The following PCDH15 variants were observed in gnomAD, a reference collection of about 807,000 sequenced individuals.
PCDH15 encodes the protein protocadherin-15.
In PCDH15, 129 loss-of-function variants were observed where a neutral mutation model predicts 178.5. That is an observed-to-expected ratio of 0.72 (90% CI 0.63 to 0.84). The LOEUF is 0.84. Among genes scored for constraint, PCDH15 ranks in the 40% least tolerant of loss-of-function variants. The pLI, the probability that PCDH15 is intolerant of heterozygous loss-of-function variation, is 0.00. For missense variants in PCDH15, 2,230 were observed against 2,099.9 expected (o/e 1.06, Z -1.21); for synonymous variants, 800 against 732.0 (o/e 1.09, Z -1.50).
intron 3 of PCDH15, among the ~76,000 whole-genome samples, chr10:54,492,569 A>G (rs2079700432): frequency 6.6e-6 from 1 of 152,106 alleles, no homozygotes; most frequent in Non-Finnish European, 1.5e-5. Context: ...TATTAAATGG[A>G]TAATTCTAGA....
intron 2 of PCDH15, among the ~76,000 whole-genome samples, chr10:55,153,785 CTAGGTTTGAGCTCTGACCTTGCCACT>C (rs1421975108): frequency 6.6e-6 from 1 of 152,150 alleles, no homozygotes; most frequent in Non-Finnish European, 1.5e-5. Flanking sequence ...ACATGAATGT[CTAGGTTTGAGCTCTGACCTTGCCACT>C]TTAGAGCCTA....
At chr10:55,608,851 TG>T (rs1361070171) in intron 2 of PCDH15, among the ~76,000 whole-genome samples, 1 of 152,076 alleles carries the variant, frequency 6.6e-6, no homozygotes, top group Non-Finnish European at 1.5e-5. Flanking sequence ...TGTGATGATC[TG>T]GTTTCAGTTC....
intron 6 of PCDH15, among the ~76,000 whole-genome samples, chr10:54,335,061 T>C (rs1285591059): frequency 6.6e-6 from 1 of 152,210 alleles, no homozygotes; most frequent in Non-Finnish European, 1.5e-5. Flanking sequence ...CATCAGCTGC[T>C]GAAAATTCTA....
chr10:54,174,135 A>G (rs1341384284), intron 13 of PCDH15, among the ~76,000 whole-genome samples: 1 of 152,216 alleles, frequency 6.6e-6, no homozygotes, highest in Non-Finnish European at 1.5e-5. Context: ...CAAATGTAAT[A>G]TAGCCCACTG....
At chr10:55,366,569 G>T (rs559095641) in intron 2 of PCDH15, among the ~76,000 whole-genome samples, 18 of 152,146 alleles carry the variant, frequency 1.2e-4, no homozygotes, top group Admixed American at 3.9e-4. Flanking sequence ...TCAATAAATT[G>T]TAACACTCTT....
chr10:54,508,302 C>G (rs1229532552), intron 3 of PCDH15, among the ~76,000 whole-genome samples: 1 of 151,888 alleles, frequency 6.6e-6, no homozygotes, highest in Non-Finnish European at 1.5e-5. Context: ...GGCATTGCAG[C>G]ATGGTTAAGG....
chr10:54,175,768 C>T (rs2047371118), intron 13 of PCDH15, among the ~76,000 whole-genome samples: 1 of 152,090 alleles, frequency 6.6e-6, no homozygotes, highest in South Asian at 2.1e-4. Context: ...TTGGAACAAT[C>T]ATCTGTCATT....
chr10:54,171,939 A>T (rs997862651), intron 13 of PCDH15, among the ~76,000 whole-genome samples: 1 of 150,716 alleles, frequency 6.6e-6, no homozygotes, highest in Non-Finnish European at 1.5e-5. Flanking sequence ...TCCTGCTTGA[A>T]GCAGCCCTGA....
chr10:53,869,543 C>T (rs895571260), intron 26 of PCDH15, among the ~76,000 whole-genome samples: 3 of 152,028 alleles, frequency 2.0e-5, no homozygotes, highest in African/African-American at 7.2e-5. Flanking sequence ...TTAATGTAAA[C>T]TTTATAAAGG....
chr10:55,230,805 C>T (rs1462088126), intron 1 of PCDH15, among the ~76,000 whole-genome samples: 10 of 151,826 alleles, frequency 6.6e-5, no homozygotes, highest in Admixed American at 6.6e-4. Context: ...TTATGGAAAC[C>T]AGAAAAAGTG....
At chr10:54,136,995 G>T (rs1313005338) in intron 14 of PCDH15, among the ~76,000 whole-genome samples, 1 of 152,080 alleles carries the variant, frequency 6.6e-6, no homozygotes, top group Non-Finnish European at 1.5e-5. Flanking sequence ...GCTTCTTGAG[G>T]GTTACTGCCT....
intron 2 of PCDH15, among the ~76,000 whole-genome samples, chr10:55,143,814 C>T (rs917931036): frequency 9.3e-6 from 1 of 107,752 alleles, no homozygotes; most frequent in African/African-American, 3.0e-5. Flanking sequence ...AGAAGTTCTA[C>T]CTAGTGGGTA....
intron 1 of PCDH15, among the ~76,000 whole-genome samples, chr10:54,771,842 C>A (rs933599985): frequency 1.3e-5 from 2 of 152,044 alleles, no homozygotes; most frequent in African/African-American, 4.8e-5. Flanking sequence ...GAAGAATGAT[C>A]AGTATCACTA....
chr10:54,039,288 G>A lies in PCDH15; in HGVS notation c.2221-16091C>T, dbSNP rs575347177. On this transcript the variant is annotated intron_variant, in intron 18 of 37. Transcript: ENST00000644397. ...TGTAGCATTATTAATTATTCTAGCT[G>A]CATGATAGATTGGAGTCCAGAGATA... 9.2e-5 allele frequency among the ~76,000 whole-genome samples: 14 copies of A among 152,064 alleles called. No homozygotes were observed. The South Asian group carries it at 2.7e-3, about 29-fold the overall frequency.
Position 55,582,630 on chromosome 10 carries a change from T to TATATA in PCDH15, c.-156+44994_-156+44995insTATAT, listed in dbSNP as rs1564465801. Among the ~76,000 whole-genome samples the TATATA allele has an allele frequency of 1.1e-3, 108 of 100,140 alleles. 1 individual carries two copies. The highest frequency in any genetic ancestry group is 2.9e-3 in the African/African-American group (73 of 25,430). The allele number at this position is 100,140 out of a possible 152,430, so 65.7% of individuals were successfully genotyped here. A position where few individuals can be genotyped will look rare whatever the true frequency, so the allele number is the denominator to read the frequency against. On this transcript the variant is annotated intron_variant, in intron 2 of 5. Transcript: ENST00000613346. ...TATATATATATATATATATATATAT[T>TATATA]TTTTTTTTTTTGCTATATTTGATGA...
chr10:55,512,529 A>C (rs1222405792), intron 2 of PCDH15, among the ~76,000 whole-genome samples: 3 of 152,012 alleles, frequency 2.0e-5, no homozygotes, highest in Non-Finnish European at 4.4e-5. Context: ...GTCAATGACT[A>C]ACAGGTATTT....
intron 21 of PCDH15, among the ~76,000 whole-genome samples, chr10:53,962,726 C>T (rs1300290889): frequency 6.6e-6 from 1 of 152,110 alleles, no homozygotes; most frequent in Non-Finnish European, 1.5e-5. Flanking sequence ...CAAACAAAGT[C>T]ACTTTTAAAG....
chr10:54,100,070 G>T (rs1335231775), intron 15 of PCDH15, among the ~76,000 whole-genome samples: 3 of 152,072 alleles, frequency 2.0e-5, no homozygotes, highest in Non-Finnish European at 4.4e-5. Context: ...CATTCAAATA[G>T]AAGGTATTGC....
rs535634422 is a variant in PCDH15, at chr10:54,477,838, C to T, written c.157+49974G>A. Among the ~76,000 whole-genome samples, 8 of 152,260 alleles carry T rather than the reference C, an allele frequency of 5.3e-5. No homozygotes were observed. In the East Asian group the frequency reaches 1.6e-3, roughly 30 times the overall value. The stretch of plus-strand genomic sequence containing the variant: ...GCTCAAGAGATCTGCCCACCTTGTC[C>T]TCCCAAAGTGCTGGGATTACAGGCA... On this transcript the variant is annotated intron_variant, in intron 3 of 37. Coordinates refer to ENST00000644397, the MANE Select transcript of PCDH15 (RefSeq NM_001384140.1).
Sources: allele counts gnomAD v4.1 joint callset (sites outside exome capture counted in the v4.1 genomes callset), GRCh38; gene constraint gnomAD v4.1.1; transcripts MANE v1.5; gene names NCBI Gene and HGNC (gene_info 2026-07-23, HGNC 2026-07-21).